The following SH3GL3 variants were observed in gnomAD, a reference collection of about 807,000 sequenced individuals.
SH3GL3 encodes SH3 domain containing GRB2 like 3, endophilin A3, also known as endophilin-A3.
A neutral mutation model predicts 47.7 loss-of-function variants in SH3GL3; 33 were observed. That is an observed-to-expected ratio of 0.69 (90% CI 0.52 to 0.92). The LOEUF (loss-of-function observed/expected upper bound fraction) is 0.92, where lower values mean the gene tolerates loss of function less well. SH3GL3 is among the 40% of genes least tolerant of loss of function. SH3GL3 has a pLI of 0.00. For missense variants in SH3GL3, 363 were observed against 417.8 expected (o/e 0.87, Z 1.14); for synonymous variants, 155 against 148.8 (o/e 1.04, Z -0.30).
intron 6 of SH3GL3, among the ~76,000 whole-genome samples, chr15:83,578,392 G>A (rs1195840913): frequency 6.6e-6 from 1 of 152,180 alleles, no homozygotes; most frequent in Non-Finnish European, 1.5e-5. Context: ...AACAAGTCAG[G>A]AGGTTTATTT....
chr15:83,567,157 C>A (rs2045588061), intron 3 of SH3GL3, among the ~76,000 whole-genome samples: 1 of 152,140 alleles, frequency 6.6e-6, no homozygotes, highest in South Asian at 2.1e-4. Flanking sequence ...TAGCTATCTC[C>A]CACTTTGTCC....
chr15:83,476,364 C>G (rs1284436493), intron 1 of SH3GL3, among the ~76,000 whole-genome samples: 1 of 152,170 alleles, frequency 6.6e-6, no homozygotes, highest in Non-Finnish European at 1.5e-5. Flanking sequence ...AAATCTGTTG[C>G]TAATTCTCTA....
At chr15:83,565,056 A>T (rs2045468410) in intron 2 of SH3GL3, 78 bp from the exon 3 acceptor site, 1 of 615,612 alleles carries the variant, frequency 1.6e-6, no homozygotes, top group South Asian at 2.2e-5. Context: ...AAATTAATGA[A>T]AATTCCTCCT....
chr15:83,619,921 G>T (rs1015847332), downstream of SH3GL3, among the ~76,000 whole-genome samples: 1 of 152,198 alleles, frequency 6.6e-6, no homozygotes, highest in African/African-American at 2.4e-5. Flanking sequence ...CAAAATTTGA[G>T]TCAGTCCTCT....
At chr15:83,468,146 A>G (rs1400588019) in intron 1 of SH3GL3, among the ~76,000 whole-genome samples, 1 of 152,200 alleles carries the variant, frequency 6.6e-6, no homozygotes, top group Admixed American at 6.5e-5. Flanking sequence ...TGTATATTCA[A>G]TGTAGGTGTC....
Position 83,494,639 on chromosome 15 carries a change from T to C in SH3GL3, c.45+47061T>C, listed in dbSNP as rs145752824. On this transcript the variant is annotated intron_variant, in intron 1 of 8. Coordinates refer to ENST00000427482, the MANE Select transcript of SH3GL3 (RefSeq NM_003027.5). ...CTCACTGCAACCTCTGCCTCCCGGG[T>C]TCAAGCGATTCTCCTGCCTCAGGCT... Among the ~76,000 whole-genome samples, 654 of 151,336 alleles carry C rather than the reference T, an allele frequency of 4.3e-3. 5 individuals carry two copies. The highest frequency in any genetic ancestry group is 0.015 in the African/African-American group (611 of 41,170).
At chr15:83,628,090 C>T in the SH3GL3 span, among the ~76,000 whole-genome samples, 36 of 152,314 alleles carry the variant, frequency 2.4e-4, no homozygotes, top group Middle Eastern at 3.4e-3. Context: ...CTCAAACACA[C>T]ATTTTCTGCA....
intron 8 of SH3GL3, chr15:83,609,554 C>G: frequency 3.4e-6 from 1 of 293,960 alleles, no homozygotes; most frequent in Non-Finnish European, 6.9e-6. Context: ...CTCTCCATCC[C>G]CTTTGCCCCT....
intron 1 of SH3GL3, among the ~76,000 whole-genome samples, chr15:83,506,725 T>C (rs1426426184): frequency 1.3e-5 from 2 of 152,202 alleles, no homozygotes; most frequent in Non-Finnish European, 2.9e-5. Flanking sequence ...TAGGTTTCAT[T>C]TCAATAGAGG....
intron 1 of SH3GL3, among the ~76,000 whole-genome samples, chr15:83,495,779 A>G (rs1202695092): frequency 6.6e-6 from 1 of 152,024 alleles, no homozygotes; most frequent in African/African-American, 2.4e-5. Context: ...TTTCCATGTT[A>G]AGGTTGTCTG....
intron 1 of SH3GL3, among the ~76,000 whole-genome samples, chr15:83,554,262 A>G (rs1179287736): frequency 6.6e-6 from 1 of 151,850 alleles, no homozygotes; most frequent in Non-Finnish European, 1.5e-5. Context: ...ATCCCGGCTC[A>G]CCGCAATGTC....
rs368195801 is a variant in SH3GL3, at chr15:83,618,103, A to T, written c.860A>T (p.Gln287Leu). The T allele has an allele frequency of 6.2e-7, 1 of 1,613,218 alleles. No homozygotes were observed. The highest frequency in any genetic ancestry group is 2.2e-5 in the East Asian group (1 of 44,894). The stretch of plus-strand genomic sequence containing the variant: ...ACAGGTTCTAACATTCCCATGGACC[A>T]GCCCTGCTGTCGTGGTCTCTATGAC... The part of the protein sequence containing the change: ...KTTGSNIPMD[Q>L]PCCRGLYDFE... Residue 287 changes from glutamine to leucine, a missense_variant, in exon 9 of 9, where the codon CAG (glutamine) becomes CTG (leucine). Coordinates refer to ENST00000427482, the MANE Select transcript of SH3GL3 (RefSeq NM_003027.5).
intron 6 of SH3GL3, among the ~76,000 whole-genome samples, chr15:83,577,365 T>C (rs934453352): frequency 1.3e-5 from 2 of 152,136 alleles, no homozygotes; most frequent in Admixed American, 6.5e-5. Flanking sequence ...ATCTCCTGCC[T>C]GAGAGATTGA....
At chr15:83,462,832 G>A (rs142157181) in intron 1 of SH3GL3, among the ~76,000 whole-genome samples, 1 of 152,172 alleles carries the variant, frequency 6.6e-6, no homozygotes, top group Non-Finnish European at 1.5e-5. Context: ...TGGCCTTCTT[G>A]TTGCTCAAAT....
intron 1 of SH3GL3, among the ~76,000 whole-genome samples, chr15:83,468,508 A>C (rs1026924872): frequency 3.9e-5 from 6 of 152,166 alleles, no homozygotes; most frequent in African/African-American, 1.4e-4. Flanking sequence ...ATTTTTGTAG[A>C]TGCTCTTAAC....
chr15:83,588,288 G>A (rs2060004064), intron 7 of SH3GL3, among the ~76,000 whole-genome samples: 2 of 152,046 alleles, frequency 1.3e-5, no homozygotes, highest in Admixed American at 6.6e-5. Flanking sequence ...CCACCACCAT[G>A]CCTGGCTAAT....
chr15:83,528,748 G>A (rs945319461), intron 1 of SH3GL3, among the ~76,000 whole-genome samples: 2 of 151,770 alleles, frequency 1.3e-5, no homozygotes, highest in Admixed American at 6.6e-5. Context: ...GTGCTGTTGT[G>A]TCTTACTGAG....
chr15:83,513,102 C>T (rs572836690), intron 1 of SH3GL3, among the ~76,000 whole-genome samples: 6 of 152,214 alleles, frequency 3.9e-5, no homozygotes, highest in Admixed American at 3.3e-4. Flanking sequence ...TGTATTTTTC[C>T]GCTGTGTGTA....
At chr15:83,457,603 T>C (rs776877568) in intron 1 of SH3GL3, among the ~76,000 whole-genome samples, 15 of 152,206 alleles carry the variant, frequency 9.9e-5, no homozygotes, top group Non-Finnish European at 2.1e-4. Flanking sequence ...GCAATGAATG[T>C]CTCTTGTTTC....
Sources: gnomAD v4.1 joint callset for allele counts (sites outside exome capture counted in the v4.1 genomes callset) on GRCh38, gnomAD v4.1.1 for gene constraint, MANE v1.5 for transcripts, NCBI Gene and HGNC (gene_info 2026-07-23, HGNC 2026-07-21) for gene names.